Variants in CDC42EP4 observed in about 807,000 individuals in gnomAD.
The protein encoded by CDC42EP4 is CDC42 effector protein 4, also known as CDC42 effector protein (Rho GTPase binding) 4.
In CDC42EP4, 6 loss-of-function variants were observed where a neutral mutation model predicts 5.6. The observed-to-expected ratio is 1.07, with a 90% CI of 0.59 to 2.12. The LOEUF is 2.12. Ranked by LOEUF, CDC42EP4 falls within the 30% of genes most tolerant of loss-of-function variation. The pLI, the probability that CDC42EP4 is intolerant of heterozygous loss-of-function variation, is 0.00. For synonymous variants in CDC42EP4, 230 were observed against 224.2 expected, an observed-to-expected ratio of 1.03 and a Z score of -0.23; for missense variants, 490 against 508.6, an observed-to-expected ratio of 0.96 and a Z score of 0.35.
chr17:73,285,102 C>T lies in CDC42EP4; in HGVS notation c.*328G>A, dbSNP rs1053299701. The stretch of plus-strand genomic sequence containing the variant: ...TGTACGTGGCCAGAACTGGGGTTGG[C>T]ATCTGGCATCCATTTGAGGCCAGGG... On this transcript the variant is annotated 3_prime_UTR_variant, in exon 2 of 2. Coordinates refer to ENST00000335793, the MANE Select transcript of CDC42EP4 (RefSeq NM_012121.5). The surrounding 1 kb of genome is among the most constrained non-coding windows in gnomAD (Gnocchi z 6.8). The T allele has an allele frequency of 2.0e-5, 4 of 195,424 alleles. No homozygotes were observed. The highest frequency in any genetic ancestry group is 4.2e-5 in the Non-Finnish European group (4 of 96,228). The allele number at this position is 195,424 out of a possible 1,614,324, so 12.1% of individuals were successfully genotyped here. A position where few individuals can be genotyped will look rare whatever the true frequency, so the allele number is the denominator to read the frequency against.
intron 1 of CDC42EP4, chr17:73,309,956 T>G (rs1353153580): frequency 6.6e-6 from 1 of 152,554 alleles, no homozygotes; most frequent in African/African-American, 2.4e-5. Flanking sequence ...CAGTCACATG[T>G]GCAGCTCACA....
At chr17:73,308,102 T>A (rs1406759920) in intron 1 of CDC42EP4, among the ~76,000 whole-genome samples, 1 of 152,122 alleles carries the variant, frequency 6.6e-6, no homozygotes, top group East Asian at 1.9e-4. Context: ...CAGTGCCACA[T>A]GCGGGCTCCT....
At chr17:73,288,876 C>G (rs75248588) in intron 1 of CDC42EP4, among the ~76,000 whole-genome samples, 1 of 152,214 alleles carries the variant, frequency 6.6e-6, no homozygotes, top group African/African-American at 2.4e-5. Context: ...TTCTCTCGGG[C>G]AGGGAGGGGG....
rs1435653495 is a variant in CDC42EP4, at chr17:73,296,992, A to AC, written c.-112-10381_-112-10380insG. On this transcript the variant is annotated intron_variant, in intron 1 of 1. Transcript: ENST00000335793. ...CAAGACTCCGTCTCAAAAAAAAAAA[A>AC]AAAAAAAAAAAATACACAAGGCCAA... Among the ~76,000 whole-genome samples, 5 of 120,574 alleles carry AC rather than the reference A, an allele frequency of 4.1e-5. 1 individual carries two copies. Among genetic ancestry groups the AC allele is most frequent in the Admixed American group, 1.7e-4 (2 of 11,700 alleles). The allele number at this position is 120,574 out of a possible 152,430, so 79.1% of individuals were successfully genotyped here.
Position 73,293,068 on chromosome 17 carries a change from G to A in CDC42EP4, c.-112-6456C>T, listed in dbSNP as rs1016832203. 5.1e-4 allele frequency among the ~76,000 whole-genome samples: 78 copies of A among 152,092 alleles called. 2 individuals carry two copies. Among genetic ancestry groups the A allele is most frequent in the Admixed American group, 4.7e-3 (72 of 15,266 alleles). ...TCACCACGTCGGCCAGGCTGGTCTC[G>A]AACTCCTGGCATCAAGCAATCCACC... On this transcript the variant is annotated intron_variant, in intron 1 of 1. Transcript: ENST00000335793.
At chr17:73,301,062 A>G (rs1180261302) in intron 1 of CDC42EP4, among the ~76,000 whole-genome samples, 1 of 152,148 alleles carries the variant, frequency 6.6e-6, no homozygotes, top group East Asian at 1.9e-4. Context: ...AAATTAAAAA[A>G]AAAAAAAAAA....
intron 1 of CDC42EP4, among the ~76,000 whole-genome samples, chr17:73,291,096 C>A (rs1194876467): frequency 6.6e-6 from 1 of 152,192 alleles, no homozygotes; most frequent in Non-Finnish European, 1.5e-5. Context: ...TGGGCTAGCC[C>A]TGGGGTCCCC....
At chr17:73,298,085 C>T (rs1402745614) in intron 1 of CDC42EP4, among the ~76,000 whole-genome samples, 14 of 151,736 alleles carry the variant, frequency 9.2e-5, no homozygotes, top group Admixed American at 5.9e-4. Flanking sequence ...TCTCTGGGTT[C>T]GGCAGCCACA....
intron 1 of CDC42EP4, among the ~76,000 whole-genome samples, chr17:73,298,163 C>T (rs774810237): frequency 3.3e-5 from 5 of 152,068 alleles, no homozygotes; most frequent in Admixed American, 2.6e-4. Flanking sequence ...GCCTCTCTTG[C>T]GTGAAAATCT....
chr17:73,305,909 G>T (rs1228040413), intron 1 of CDC42EP4, among the ~76,000 whole-genome samples: 2 of 152,154 alleles, frequency 1.3e-5, no homozygotes, highest in African/African-American at 4.8e-5. Context: ...TCTGATGCAG[G>T]GGGAAGGGTC....
At chr17:73,295,930 G>A (rs573402222) in intron 1 of CDC42EP4, among the ~76,000 whole-genome samples, 1 of 150,560 alleles carries the variant, frequency 6.6e-6, no homozygotes, top group East Asian at 1.9e-4. Flanking sequence ...AAAGAATGAT[G>A]GTTTTAAAAT....
chr17:73,285,477 C>T lies in CDC42EP4; in HGVS notation c.1024G>A (p.Glu342Lys), dbSNP rs2062126799. 1.3e-6 allele frequency: 2 copies of T among 1,586,114 alleles called. No individual in the cohort carries two copies. The highest frequency in any genetic ancestry group is 2.2e-5 in the South Asian group (2 of 89,250). ...TCCTCCTCATCCATGAAGGAGAACT[C>T]CTTGTCTGGCTGTCTTGAGACAGCA... ...RAAVSRQPDK[E>K]FSFMDEEEED... The change falls in exon 2 of 2, where the codon GAG (glutamate) becomes AAG (lysine). Residue 342 changes from glutamate to lysine, a missense_variant. By Grantham distance (56) the Glu-to-Lys change is moderately conservative. Coordinates refer to ENST00000335793, the MANE Select transcript of CDC42EP4 (RefSeq NM_012121.5). This position sits in a 1 kb window ranked among gnomAD's most constrained non-coding sequence, Gnocchi z 6.8.
chr17:73,296,531 G>A (rs533767366), intron 1 of CDC42EP4, among the ~76,000 whole-genome samples: 2 of 152,156 alleles, frequency 1.3e-5, no homozygotes, highest in South Asian at 4.1e-4. Context: ...CAGCAGTCAT[G>A]GAAAGTGGGA....
chr17:73,303,699 TA>T (rs962280585), intron 1 of CDC42EP4, among the ~76,000 whole-genome samples: 42 of 152,058 alleles, frequency 2.8e-4, no homozygotes, highest in African/African-American at 9.9e-4. Context: ...CCCCTTCCTT[TA>T]GTTTTAAAAA....
chr17:73,295,237 G>A (rs1327632398), intron 1 of CDC42EP4, among the ~76,000 whole-genome samples: 1 of 152,104 alleles, frequency 6.6e-6, no homozygotes, highest in Non-Finnish European at 1.5e-5. Flanking sequence ...GTCTTGATTA[G>A]GCTGTTGGGA....
At chr17:73,306,876 C>A (rs1245386291) in intron 1 of CDC42EP4, 1 of 152,252 alleles carries the variant, frequency 6.6e-6, no homozygotes, top group Non-Finnish European at 1.5e-5. Context: ...GGTCTCCAGA[C>A]CAAGTTCAGT....
intron 1 of CDC42EP4, among the ~76,000 whole-genome samples, chr17:73,310,471 G>T (rs559783520): frequency 2.0e-5 from 3 of 152,160 alleles, no homozygotes; most frequent in Admixed American, 2.0e-4. Flanking sequence ...AGCGACGGGG[G>T]CTCCCAAGGA....
At chr17:73,292,002 C>A (rs995057283) in intron 1 of CDC42EP4, among the ~76,000 whole-genome samples, 2 of 152,196 alleles carry the variant, frequency 1.3e-5, no homozygotes, top group African/African-American at 4.8e-5. Flanking sequence ...CCCAGCAGAC[C>A]CAGAGCAGAA....
chr17:73,286,103 CTGG>C lies in CDC42EP4; in HGVS notation c.395_397del (p.Thr132del). 6.2e-7 allele frequency: 1 copy of C among 1,614,020 alleles called. No homozygotes were observed. Among genetic ancestry groups the C allele is most frequent in the Non-Finnish European group, 8.5e-7 (1 of 1,180,032 alleles). ...GGATGACAGGCTCTTGGGCAGCTTA[CTGG>C]TGCCCTTCTCCGCGGCCTCCTTCTC... On this transcript the variant is annotated inframe_deletion, in exon 2 of 2. Coordinates refer to ENST00000335793, the MANE Select transcript of CDC42EP4 (RefSeq NM_012121.5). This position sits in a 1 kb window ranked among gnomAD's most constrained non-coding sequence, Gnocchi z 7.7.
Sources: allele counts gnomAD v4.1 joint callset (sites outside exome capture counted in the v4.1 genomes callset), GRCh38; gene constraint gnomAD v4.1.1; non-coding constraint Gnocchi (gnomAD v3.1); transcripts MANE v1.5; gene names NCBI Gene and HGNC (gene_info 2026-07-23, HGNC 2026-07-21).